Variants in LAMB4 observed in about 807,000 individuals in gnomAD.
LAMB4 encodes the protein laminin subunit beta-4.
In LAMB4, 196 loss-of-function variants were observed where a neutral mutation model predicts 199.2. That is an observed-to-expected ratio of 0.98 (90% CI 0.88 to 1.11). The LOEUF is 1.11. Among genes scored for constraint, LAMB4 ranks in the 50% least tolerant of loss-of-function variants. The pLI is 0.00. For missense variants in LAMB4, 2,080 were observed against 2,171.2 expected (o/e 0.96, Z 0.83); for synonymous variants, 744 against 770.6 (o/e 0.97, Z 0.57).
the LAMB4 span, among the ~76,000 whole-genome samples, chr7:108,017,655 G>C: frequency 1.3e-5 from 2 of 152,150 alleles, no homozygotes; most frequent in South Asian, 4.1e-4. Context: ...CCAGAAAAAG[G>C]GCTTTGAGTG....
At chr7:108,130,073 G>C (rs1396998767) in intron 1 of LAMB4, among the ~76,000 whole-genome samples, 2 of 152,114 alleles carry the variant, frequency 1.3e-5, no homozygotes, top group Non-Finnish European at 2.9e-5. Context: ...TCAAGTTGTT[G>C]GCTTCATATC....
chr7:108,126,009 A>G (rs1212404360), intron 1 of LAMB4, among the ~76,000 whole-genome samples: 1 of 152,240 alleles, frequency 6.6e-6, no homozygotes, highest in Non-Finnish European at 1.5e-5. Context: ...AGTCAGAAAC[A>G]GATCCCAAAT....
intron 14 of LAMB4, among the ~76,000 whole-genome samples, chr7:108,083,210 G>C (rs905197755): frequency 1.6e-4 from 24 of 152,180 alleles, no homozygotes; most frequent in African/African-American, 5.5e-4. Flanking sequence ...GAGAATACTT[G>C]GGAGGGTAAG....
chr7:108,013,387 CAT>C, the LAMB4 span, among the ~76,000 whole-genome samples: 2 of 152,306 alleles, frequency 1.3e-5, no homozygotes, highest in African/African-American at 2.4e-5. Context: ...GAGCATATCA[CAT>C]GTTTCACTTT....
intron 12 of LAMB4, 131 bp from the exon 13 acceptor site, chr7:108,092,547 C>A (rs1222691303): frequency 8.6e-6 from 6 of 701,488 alleles, no homozygotes; most frequent in Non-Finnish European, 1.5e-5. Flanking sequence ...TCAGAGAAAC[C>A]TTCCTGGCCT....
At position 108,123,131 on chromosome 7, in the gene LAMB4, C is replaced by T. The variant is rs1386714256; in HGVS notation, c.34G>A (p.Gly12Arg). The change falls in exon 2 of 34, where the codon GGG becomes AGG. Residue 12 changes from glycine to arginine, a missense_variant and splice_region_variant. Transcript: ENST00000388781. ...ATAGATTTTGACAACAAATACTCAC[C>T]AAGGTGCAAAAAAAGGGTCAGTTGA... ...QFQLTLFLHL[G>R]WLSYSKAQDD... 1 of 1,608,202 alleles carries T rather than the reference C, an allele frequency of 6.2e-7. No homozygotes were observed. Among genetic ancestry groups the T allele is most frequent in the African/African-American group, 1.3e-5 (1 of 74,650 alleles).
chr7:108,069,705 T>C lies in LAMB4; in HGVS notation c.2302+3A>G. The C allele has an allele frequency of 6.2e-7, 1 of 1,612,588 alleles. No homozygotes were observed. The highest frequency in any genetic ancestry group is 8.5e-7 in the Non-Finnish European group (1 of 1,178,970). ...CAGTAGAGCCCATTAAACAGATACT[T>C]ACCCACAGCCCCATCATGCAGCTTG... On this transcript the variant is annotated splice_donor_region_variant and intron_variant, in intron 18 of 33. Coordinates refer to ENST00000388781, the MANE Select transcript of LAMB4 (RefSeq NM_007356.3).
intron 2 of LAMB4, among the ~76,000 whole-genome samples, chr7:108,120,618 T>G (rs1247409120): frequency 6.6e-6 from 1 of 152,228 alleles, no homozygotes; most frequent in African/African-American, 2.4e-5. Context: ...CACATTCATA[T>G]TTTGTTTGTT....
intron 23 of LAMB4, among the ~76,000 whole-genome samples, chr7:108,058,321 G>A (rs980517497): frequency 2.0e-5 from 3 of 152,196 alleles, no homozygotes; most frequent in African/African-American, 4.8e-5. Context: ...GTCAAGTAAT[G>A]TTTTCATTAT....
rs375462065 is a variant in LAMB4, at chr7:108,052,043, G to A, written c.3916+54C>T. On this transcript the variant is annotated intron_variant, in intron 26 of 33. Transcript: ENST00000388781. ...GGACGACTCACTAATGGAATGCACT[G>A]TGGATTTCATCAAACTTTGTGCAGA... The A allele has an allele frequency of 2.7e-6, 4 of 1,502,248 alleles. No individual in the cohort carries two copies. In the African/African-American group the frequency reaches 4.1e-5, roughly 15 times the overall value. The allele number at this position is 1,502,248 out of a possible 1,614,324, so 93.1% of individuals were successfully genotyped here.
In LAMB4 at chr7:108,111,795, G is replaced by C; in HGVS notation, c.328+16C>G. 1 of 1,606,014 alleles carries C rather than the reference G, an allele frequency of 6.2e-7. No homozygotes were observed. Among genetic ancestry groups the C allele is most frequent in the Non-Finnish European group, 8.5e-7 (1 of 1,175,716 alleles). ...TATTGAAGAAATAAACAACTGGAAA[G>C]GAACTTAAATCATACCATTTTCAGA... is the stretch of plus-strand genomic sequence containing the variant. On this transcript the variant is annotated intron_variant, in intron 4 of 33. Coordinates refer to ENST00000388781, the MANE Select transcript of LAMB4 (RefSeq NM_007356.3).
chr7:108,098,369 T>C, intron 11 of LAMB4, 34 bp downstream of exon 11: 2 of 1,557,268 alleles, frequency 1.3e-6, no homozygotes, highest in Non-Finnish European at 1.7e-6. Context: ...TAGGGGTTGA[T>C]GGACACTCCC....
At chr7:108,045,884 T>C (rs1269199421) in intron 28 of LAMB4, among the ~76,000 whole-genome samples, 1 of 152,138 alleles carries the variant, frequency 6.6e-6, no homozygotes, top group Non-Finnish European at 1.5e-5. Flanking sequence ...AGGGATATGT[T>C]CCAGATTGGC....
chr7:108,018,403 G>A, the LAMB4 span, among the ~76,000 whole-genome samples: 2 of 152,180 alleles, frequency 1.3e-5, no homozygotes, highest in Non-Finnish European at 2.9e-5. Flanking sequence ...CAGGGTTGTC[G>A]TGGCTGGTTG....
At chr7:108,079,561 G>A in intron 15 of LAMB4, 40 bp downstream of exon 15, 1 of 1,485,822 alleles carries the variant, frequency 6.7e-7, no homozygotes, top group Non-Finnish European at 9.2e-7. Context: ...ATGTATTTCT[G>A]TCAGCTTTTC....
rs142526591 is a variant in LAMB4 at position 108,078,218 on chromosome 7, G to T, written c.1986C>A (p.Ala662=). 5.3e-4 allele frequency: 846 copies of T among 1,608,424 alleles called. 1 individual carries two copies. Among genetic ancestry groups the T allele is most frequent in the Non-Finnish European group, 6.9e-4 (817 of 1,176,868 alleles). Residue 662 remains alanine, a synonymous_variant, in exon 16 of 34, where the codon GCC becomes GCA. Transcript: ENST00000388781. ...AAACATACCTCGTAGCCGCTGGTAA[G>T]GCAAAAGACTGAGGCTTTGACTGTA... is the stretch of plus-strand genomic sequence containing the variant. ...KTLQSKPQSF[A]LPAATRIMLL... is the part of the protein sequence containing the mutation.
In LAMB4 at chr7:108,103,084, C is replaced by T. The variant is rs535055286; in HGVS notation, c.1140G>A (p.Arg380=). ...HCDRCRPLFY[R]DPLKTISDPY... is the part of the protein sequence containing the mutation. ...GATCTGAGATGGTCTTGAGCGGGTC[C>T]CTGTAGAAGAGGGGTCTGCAGCGGT... The change falls in exon 10 of 34, where the codon AGG becomes AGA. Residue 380 remains arginine, a synonymous_variant. Coordinates refer to ENST00000388781, the MANE Select transcript of LAMB4 (RefSeq NM_007356.3). The T allele has an allele frequency of 2.4e-5, 39 of 1,610,814 alleles. No homozygotes were observed. In the East Asian group the frequency reaches 8.3e-4, roughly 34 times the overall value.
intron 10 of LAMB4, 52 bp downstream of exon 10, chr7:108,102,992 A>G: frequency 1.4e-6 from 2 of 1,471,384 alleles, no homozygotes; most frequent in East Asian, 2.3e-5. Flanking sequence ...GTAAGATCAA[A>G]CTGAACTTTG....
chr7:108,129,015 A>G (rs751314793), intron 1 of LAMB4, among the ~76,000 whole-genome samples: 3 of 152,258 alleles, frequency 2.0e-5, no homozygotes, highest in Non-Finnish European at 4.4e-5. Flanking sequence ...AAGTGTTGCA[A>G]TAAACAGTGA....
Sources: gnomAD v4.1 joint callset for allele counts (sites outside exome capture counted in the v4.1 genomes callset) on GRCh38, gnomAD v4.1.1 for gene constraint, MANE v1.5 for transcripts, NCBI Gene and HGNC (gene_info 2026-07-23, HGNC 2026-07-21) for gene names.